The following TXNDC5 variants were observed in gnomAD, a reference collection of about 807,000 sequenced individuals.
TXNDC5 encodes the protein thioredoxin domain containing 5.
In TXNDC5, 44 loss-of-function variants were observed where a neutral mutation model predicts 52.6. The observed-to-expected ratio is 0.84, with a 90% CI of 0.66 to 1.08. The LOEUF (loss-of-function observed/expected upper bound fraction) is 1.08, where lower values mean the gene tolerates loss of function less well. Among genes scored for constraint, TXNDC5 ranks in the 50% least tolerant of loss-of-function variants. The pLI, the probability that TXNDC5 is intolerant of heterozygous loss-of-function variation, is 0.00. For synonymous variants in TXNDC5, 241 were observed against 234.4 expected, an observed-to-expected ratio of 1.03 and a Z score of -0.26; for missense variants, 600 against 565.5, an observed-to-expected ratio of 1.06 and a Z score of -0.62.
rs138890937 is a variant in TXNDC5, at chr6:7,885,779, T to C, written c.1046+182A>G. ...CATTCTCCATATATAATTAAGGCCA[T>C]TGAAGTTTAAAATATTTGAATATAG... On this transcript the variant is annotated intron_variant, in intron 8 of 9. Coordinates refer to ENST00000379757, the MANE Select transcript of TXNDC5 (RefSeq NM_030810.5). Among the ~76,000 whole-genome samples the C allele has an allele frequency of 1.2e-3, 182 of 152,290 alleles. 2 individuals carry two copies. Among genetic ancestry groups the C allele is most frequent in the African/African-American group, 3.8e-3 (160 of 41,560 alleles).
chr6:7,898,913 G>C (rs1370462641), intron 3 of TXNDC5, among the ~76,000 whole-genome samples: 1 of 152,216 alleles, frequency 6.6e-6, no homozygotes, highest in Admixed American at 6.5e-5. Context: ...TTAAGACACA[G>C]AGTATTAATG....
rs746492096 is a variant in TXNDC5 at position 7,910,542 on chromosome 6, C to G, written c.235G>C (p.Ala79Pro). 86 of 1,456,242 alleles carry G rather than the reference C, an allele frequency of 5.9e-5. No homozygotes were observed. Among genetic ancestry groups the G allele is most frequent in the Non-Finnish European group, 7.6e-5 (83 of 1,094,414 alleles). The allele number at this position is 1,456,242 out of a possible 1,614,324, so 90.2% of individuals were successfully genotyped here. ...DMFTHGIQSA[A>P]HFVMFFAPWC... ...GGCGCGAAGAACATGACGAAGTGCGCGGCGCTCTGGATCCCGTGCGTGAAC... is the reference window on the plus strand; with the variant it reads ...GGCGCGAAGAACATGACGAAGTGCGGGGCGCTCTGGATCCCGTGCGTGAAC... The change falls in exon 1 of 10, where the codon GCG becomes CCG. Residue 79 changes from alanine to proline, a missense_variant. Coordinates refer to ENST00000379757, the MANE Select transcript of TXNDC5 (RefSeq NM_030810.5).
At chr6:7,900,563 T>G (rs1238078355) in intron 2 of TXNDC5, among the ~76,000 whole-genome samples, 1 of 152,240 alleles carries the variant, frequency 6.6e-6, no homozygotes, top group African/African-American at 2.4e-5. Flanking sequence ...GGTATCAGAA[T>G]TGTAAGACGG....
Position 7,889,635 on chromosome 6 carries a change from C to T in TXNDC5, c.733-54G>A. On this transcript the variant is annotated intron_variant, in intron 5 of 9. Coordinates refer to ENST00000379757, the MANE Select transcript of TXNDC5 (RefSeq NM_030810.5). ...GTCAGTTTCTTCATGAACCTTCTTG[C>T]TAATGGGGCTACTGGACACTTTGTA... 2.9e-6 allele frequency: 4 copies of T among 1,371,996 alleles called. No individual in the cohort carries two copies. In the South Asian group the frequency reaches 3.6e-5, roughly 12 times the overall value. 85.0% of individuals were successfully genotyped at this position (1,371,996 alleles called of 1,614,324 possible).
chr6:7,882,991 C>T lies in TXNDC5; in HGVS notation c.*153G>A. ...ATAAAGAATCTGTAGAGTGTGTTGG[C>T]TTGGAAAACACACACACAAAGAAGA... On this transcript the variant is annotated 3_prime_UTR_variant, in exon 10 of 10. Transcript: ENST00000379757. 3.0e-6 allele frequency: 3 copies of T among 990,568 alleles called. No homozygotes were observed. The highest frequency in any genetic ancestry group is 4.4e-6 in the Non-Finnish European group (3 of 686,984). The allele number at this position is 990,568 out of a possible 1,614,324, so 61.4% of individuals were successfully genotyped here.
At position 7,888,792 on chromosome 6, in the gene TXNDC5, C is replaced by T. The variant is rs145951032; in HGVS notation, c.876G>A (p.Ser292=). The change falls in exon 7 of 10, where the codon TCG becomes TCA. Residue 292 remains serine (S), a synonymous_variant. Transcript: ENST00000379757. ...DLESLREYVE[S]QLQRTETGAT... is the part of the protein sequence containing the mutation. Reference sequence around the variant, plus strand: ...CTCCAGTCTCTGTGCGCTGCAGCTGCGACTCCACGTACTCCCTCAGTGACT... The same window carrying T: ...CTCCAGTCTCTGTGCGCTGCAGCTGTGACTCCACGTACTCCCTCAGTGACT... 3,150 of 1,614,098 alleles carry T rather than the reference C, an allele frequency of 2.0e-3. 5 individuals are homozygous for T. The highest frequency in any genetic ancestry group is 2.5e-3 in the Non-Finnish European group (2,907 of 1,180,000).
At chr6:7,899,074 G>A (rs1006032294) in intron 3 of TXNDC5, among the ~76,000 whole-genome samples, 3 of 152,168 alleles carry the variant, frequency 2.0e-5, no homozygotes, top group African/African-American at 7.2e-5. Flanking sequence ...GGGGGGATGG[G>A]AGGAGGCTCC....
At chr6:7,895,040 G>A (rs1006514228) in intron 4 of TXNDC5, 66 bp downstream of exon 4, 1 of 1,552,526 alleles carries the variant, frequency 6.4e-7, no homozygotes, top group Admixed American at 1.9e-5. Context: ...TAGCAGGAAG[G>A]AAAAGCCCAG....
chr6:7,905,786 G>T (rs1211404924), intron 1 of TXNDC5, among the ~76,000 whole-genome samples: 4 of 152,310 alleles, frequency 2.6e-5, no homozygotes, highest in African/African-American at 7.2e-5. Flanking sequence ...ACACACTGAT[G>T]CCTACAATGT....
Position 7,910,629 on chromosome 6 carries a change from GGGGCCCGT to G in TXNDC5, c.140_147del (p.Asp47AlafsTer52). 5 of 1,339,876 alleles carry G rather than the reference GGGGCCCGT, an allele frequency of 3.7e-6. No individual in the cohort carries two copies. Among genetic ancestry groups the G allele is most frequent in the Non-Finnish European group, 4.9e-6 (5 of 1,026,612 alleles). 83.0% of individuals were successfully genotyped at this position (1,339,876 alleles called of 1,614,324 possible). On this transcript the variant is annotated frameshift_variant, in exon 1 of 10. Transcript: ENST00000379757. LOFTEE classifies it high-confidence loss of function. ...TGTCCGTCCTCGCCGTCTGCCGCGG[GGGGCCCGT>G]CCGCCGCCGCCGCCGCCGCCTCCTG... is the stretch of plus-strand genomic sequence containing the variant.
Position 7,883,107 on chromosome 6 carries a change from G to T in TXNDC5, c.*37C>A. ...GACTGAACTCCTAAACGCAGGGTGC[G>T]GGAGCTGGGCAGGAGAGGTGACCTC... On this transcript the variant is annotated 3_prime_UTR_variant, in exon 10 of 10. Coordinates refer to ENST00000379757, the MANE Select transcript of TXNDC5 (RefSeq NM_030810.5). 6.2e-7 allele frequency: 1 copy of T among 1,613,526 alleles called. No individual in the cohort carries two copies. Among genetic ancestry groups the T allele is most frequent in the Non-Finnish European group, 8.5e-7 (1 of 1,179,808 alleles).
chr6:7,898,214 C>A lies in TXNDC5; in HGVS notation c.519+1362G>T, dbSNP rs184912546. Among the ~76,000 whole-genome samples the A allele has an allele frequency of 3.2e-3, 480 of 152,268 alleles. 1 individual carries two copies. Among genetic ancestry groups the A allele is most frequent in the African/African-American group, 0.011 (454 of 41,546 alleles). On this transcript the variant is annotated intron_variant, in intron 3 of 9. Coordinates refer to ENST00000379757, the MANE Select transcript of TXNDC5 (RefSeq NM_030810.5). ...TAGCTGGGATTACAGGCACCTACCA[C>A]CTGGCTAATTTTTGTATTTTTAGCA...
intron 2 of TXNDC5, among the ~76,000 whole-genome samples, chr6:7,901,554 C>A (rs913685104): frequency 1.3e-5 from 2 of 152,202 alleles, no homozygotes; most frequent in Non-Finnish European, 2.9e-5. Flanking sequence ...GTCTGAGATT[C>A]TTCCTCGGTA....
intron 7 of TXNDC5, among the ~76,000 whole-genome samples, chr6:7,886,499 C>T (rs1759988484): frequency 6.6e-6 from 1 of 152,198 alleles, no homozygotes; most frequent in African/African-American, 2.4e-5. Context: ...ACCCTATTCT[C>T]CTAGCACCCT....
In TXNDC5 at chr6:7,882,521, G is replaced by C. The variant is rs746980547; in HGVS notation, c.*623C>G. 2 of 152,376 alleles carry C rather than the reference G, an allele frequency of 1.3e-5. No homozygotes were observed. The highest frequency in any genetic ancestry group is 1.9e-4 in the East Asian group (1 of 5,194). 9.4% of individuals were successfully genotyped at this position (152,376 alleles called of 1,614,324 possible). The stretch of plus-strand genomic sequence containing the variant: ...ATGGCATCAGCATTCTCTTACTCAG[G>C]CACGGTCAGAAGTAACGCTGCTTTC... On this transcript the variant is annotated 3_prime_UTR_variant, in exon 10 of 10. Coordinates refer to ENST00000379757, the MANE Select transcript of TXNDC5 (RefSeq NM_030810.5).
chr6:7,883,113 T>TGGGCAGGAGA lies in TXNDC5; in HGVS notation c.*21_*30dup. On this transcript the variant is annotated 3_prime_UTR_variant, in exon 10 of 10. Transcript: ENST00000379757. The stretch of plus-strand genomic sequence containing the variant: ...ACTCCTAAACGCAGGGTGCGGGAGC[T>TGGGCAGGAGA]GGGCAGGAGAGGTGACCTCCAACTG... 2 of 1,613,808 alleles carry TGGGCAGGAGA rather than the reference T, an allele frequency of 1.2e-6. No homozygotes were observed. Among genetic ancestry groups the TGGGCAGGAGA allele is most frequent in the Non-Finnish European group, 1.7e-6 (2 of 1,179,910 alleles).
At chr6:7,890,832 G>A (rs1760165287) in intron 5 of TXNDC5, among the ~76,000 whole-genome samples, 1 of 152,064 alleles carries the variant, frequency 6.6e-6, no homozygotes, top group Admixed American at 6.5e-5. Context: ...TTTTGCAAAG[G>A]GGGAGACCGA....
chr6:7,888,541 T>C (rs1013674776), intron 7 of TXNDC5, among the ~76,000 whole-genome samples, 164 bp downstream of exon 7: 3 of 151,450 alleles, frequency 2.0e-5, no homozygotes, highest in African/African-American at 7.3e-5. Flanking sequence ...TGAAAGTCGA[T>C]GAAAAATACG....
At chr6:7,892,605 G>A (rs552726403) in intron 4 of TXNDC5, among the ~76,000 whole-genome samples, 3 of 152,218 alleles carry the variant, frequency 2.0e-5, no homozygotes, top group African/African-American at 4.8e-5. Flanking sequence ...ACTGAGTCAC[G>A]GGGACAGGTC....
Sources: allele counts gnomAD v4.1 joint callset (sites outside exome capture counted in the v4.1 genomes callset), GRCh38; gene constraint gnomAD v4.1.1; transcripts MANE v1.5; gene names NCBI Gene and HGNC (gene_info 2026-07-23, HGNC 2026-07-21).